Variants in PTPRJ observed in about 807,000 individuals in gnomAD.
PTPRJ encodes the protein protein tyrosine phosphatase receptor type J.
Under a neutral mutation model 141.3 loss-of-function variants are expected in PTPRJ, and 129 were observed. That is an observed-to-expected ratio of 0.91 (90% CI 0.79 to 1.06). PTPRJ has a LOEUF of 1.06. PTPRJ is among the 50% of genes least tolerant of loss of function. PTPRJ has a pLI of 0.00. For missense variants in PTPRJ, 1,601 were observed against 1,679.7 expected (o/e 0.95, Z 0.82); for synonymous variants, 610 against 640.5 (o/e 0.95, Z 0.72).
intron 1 of PTPRJ, among the ~76,000 whole-genome samples, chr11:48,045,646 G>A (rs376031349): frequency 2.6e-5 from 4 of 152,318 alleles, no homozygotes; most frequent in African/African-American, 7.2e-5. Context: ...GCAGTGATGG[G>A]TGGAAGGGAG....
intron 24 of PTPRJ, among the ~76,000 whole-genome samples, chr11:48,166,422 T>C (rs935576183): frequency 1.1e-4 from 17 of 150,516 alleles, no homozygotes; most frequent in African/African-American, 4.2e-4. Flanking sequence ...CCAGCGATTC[T>C]CCTGCCTCAG....
chr11:48,100,043 C>T (rs951047929), intron 1 of PTPRJ, among the ~76,000 whole-genome samples: 1 of 152,128 alleles, frequency 6.6e-6, no homozygotes, highest in African/African-American at 2.4e-5. Context: ...CACCTAAACT[C>T]AGCAGACCCC....
intron 1 of PTPRJ, among the ~76,000 whole-genome samples, chr11:48,079,417 T>C (rs1855501323): frequency 6.6e-6 from 1 of 151,112 alleles, no homozygotes; most frequent in South Asian, 2.1e-4. Context: ...ATGACGCTCG[T>C]GTGTGTGTGT....
intron 3 of PTPRJ, among the ~76,000 whole-genome samples, chr11:48,113,696 TA>T (rs1263677760): frequency 6.6e-6 from 1 of 152,230 alleles, no homozygotes; most frequent in East Asian, 1.9e-4. Flanking sequence ...ACTAACATGT[TA>T]TTTGGCTTCT....
At chr11:47,982,288 G>A (rs1460779106) in intron 1 of PTPRJ, among the ~76,000 whole-genome samples, 1 of 152,216 alleles carries the variant, frequency 6.6e-6, no homozygotes, top group African/African-American at 2.4e-5. Context: ...CTCCAGGGCC[G>A]GGCCACAGGG....
chr11:48,149,468 AG>A lies in PTPRJ; in HGVS notation c.3022del (p.Val1008CysfsTer13). On this transcript the variant is annotated frameshift_variant, in exon 16 of 25. Transcript: ENST00000418331. LOFTEE classifies it high-confidence loss of function. Reference sequence around the variant, plus strand: ...ACAGGAAAGATGCAAAGAATAATGAAGTGTCCTTTTCTCAAATTAAGTAAGT... The same window carrying A: ...ACAGGAAAGATGCAAAGAATAATGAATGTCCTTTTCTCAAATTAAGTAAGT... The part of the protein sequence containing the change: ...KKRKDAKNNE[V>X]SFSQIKPKKS... The A allele has an allele frequency of 6.6e-7, 1 of 1,521,852 alleles. No homozygotes were observed. Among genetic ancestry groups the A allele is most frequent in the Non-Finnish European group, 9.0e-7 (1 of 1,108,218 alleles). 94.3% of individuals were successfully genotyped at this position (1,521,852 alleles called of 1,614,324 possible).
At chr11:48,099,312 AAAC>A (rs1315259364) in intron 1 of PTPRJ, among the ~76,000 whole-genome samples, 6 of 152,240 alleles carry the variant, frequency 3.9e-5, no homozygotes, top group African/African-American at 1.4e-4. Context: ...TGGGTGGAGA[AAAC>A]AAAATCTACA....
chr11:48,056,007 G>A lies in PTPRJ; in HGVS notation c.97-54051G>A, dbSNP rs144536854. On this transcript the variant is annotated intron_variant, in intron 1 of 24. Transcript: ENST00000418331. ...CTGAATGTTGACTTTTGTGCTCCCT[G>A]GGGTGTGTTCTGGGGAGGAAGTGGG... Among the ~76,000 whole-genome samples, 86 of 152,300 alleles carry A rather than the reference G, an allele frequency of 5.6e-4. 2 individuals are homozygous for A. Among genetic ancestry groups the A allele is most frequent in the Admixed American group, 1.8e-3 (28 of 15,292 alleles).
In PTPRJ at chr11:48,167,615, C is replaced by A; in HGVS notation, c.*253C>A. On this transcript the variant is annotated 3_prime_UTR_variant, in exon 25 of 25. Transcript: ENST00000418331. ...GGATGAGGTCACTTTTTTTTTTTTT[C>A]CCCCTTGAGGATTGTGGAAAACCAG... is the stretch of plus-strand genomic sequence containing the variant. 3.2e-6 allele frequency: 1 copy of A among 308,386 alleles called. No individual in the cohort carries two copies. The highest frequency in any genetic ancestry group is 5.8e-6 in the Non-Finnish European group (1 of 171,460). 19.1% of individuals were successfully genotyped at this position (308,386 alleles called of 1,614,324 possible).
chr11:47,988,385 G>A (rs1854105791), intron 1 of PTPRJ, among the ~76,000 whole-genome samples: 1 of 151,516 alleles, frequency 6.6e-6, no homozygotes, highest in Non-Finnish European at 1.5e-5. Flanking sequence ...GTACCCCAGC[G>A]TGGAGTGCAG....
At chr11:48,040,887 C>G (rs1333237529) in intron 1 of PTPRJ, among the ~76,000 whole-genome samples, 1 of 152,142 alleles carries the variant, frequency 6.6e-6, no homozygotes, top group Non-Finnish European at 1.5e-5. Flanking sequence ...CAGGCGTGAG[C>G]CACCATGCCC....
At chr11:48,112,723 T>G in intron 2 of PTPRJ, 24 bp from the exon 3 acceptor site, 1 of 1,531,520 alleles carries the variant, frequency 6.5e-7, no homozygotes. Flanking sequence ...ATTTTTAATC[T>G]AATTGTTTAC....
At chr11:48,102,129 G>A (rs1237307595) in intron 1 of PTPRJ, among the ~76,000 whole-genome samples, 1 of 152,132 alleles carries the variant, frequency 6.6e-6, no homozygotes, top group Non-Finnish European at 1.5e-5. Context: ...CATAAATAAA[G>A]GGAATGGACA....
chr11:48,068,547 A>G (rs1329700346), intron 1 of PTPRJ, among the ~76,000 whole-genome samples: 1 of 152,170 alleles, frequency 6.6e-6, no homozygotes, highest in Non-Finnish European at 1.5e-5. Flanking sequence ...TGGAACTGTG[A>G]GTCAATTAAG....
chr11:48,001,394 T>TGTGTGTGTGTGTGTGTG (rs1854496857), intron 1 of PTPRJ, among the ~76,000 whole-genome samples: 1 of 94,684 alleles, frequency 1.1e-5, no homozygotes, highest in African/African-American at 4.1e-5. Context: ...GTGTGTGTGT[T>TGTGTGTGTGTGTGTGTG]TGGGGTGGGG....
chr11:48,084,667 G>T (rs1010161291), intron 1 of PTPRJ, among the ~76,000 whole-genome samples: 2 of 152,162 alleles, frequency 1.3e-5, no homozygotes, highest in African/African-American at 4.8e-5. Context: ...TGACTGCTTG[G>T]TTCATGTGAG....
intron 22 of PTPRJ, among the ~76,000 whole-genome samples, chr11:48,161,028 A>G (rs1417297196): frequency 6.6e-6 from 1 of 151,864 alleles, no homozygotes; most frequent in African/African-American, 2.4e-5. Flanking sequence ...AAACCCAAAA[A>G]TTAGCCAGGC....
chr11:48,061,907 T>C (rs1376672573), intron 1 of PTPRJ, among the ~76,000 whole-genome samples: 1 of 150,476 alleles, frequency 6.6e-6, no homozygotes, highest in Non-Finnish European at 1.5e-5. Context: ...CACCAACTTA[T>C]AGTTTTTTTT....
intron 1 of PTPRJ, among the ~76,000 whole-genome samples, chr11:48,027,368 G>A (rs1853845110): frequency 6.6e-6 from 1 of 151,958 alleles, no homozygotes; most frequent in African/African-American, 2.4e-5. Flanking sequence ...AGGATATAGA[G>A]TCTTCCCATA....
Sources: allele counts gnomAD v4.1 joint callset (sites outside exome capture counted in the v4.1 genomes callset), GRCh38; gene constraint gnomAD v4.1.1; transcripts MANE v1.5; gene names NCBI Gene and HGNC (gene_info 2026-07-23, HGNC 2026-07-21).